Variants in AOPEP observed in about 807,000 individuals in gnomAD.
The protein encoded by AOPEP is aminopeptidase O.
A neutral mutation model predicts 98.1 loss-of-function variants in AOPEP; 77 were observed. The observed-to-expected ratio is 0.78, with a 90% confidence interval of 0.65 to 0.95. The LOEUF is 0.95. Ranked by LOEUF, AOPEP falls within the 40% of genes least tolerant of loss-of-function variation. The probability of loss-of-function intolerance (pLI) is 0.00; values close to 1 mark genes in which losing one functional copy is unlikely to be tolerated. For synonymous variants in AOPEP, 346 were observed against 365.3 expected, an observed-to-expected ratio of 0.95 and a Z score of 0.60; for missense variants, 1,024 against 1,024.7, an observed-to-expected ratio of 1.00 and a Z score of 0.01.
At chr9:94,923,910 G>T (rs1361558250) in intron 5 of AOPEP, 76 bp from the exon 6 acceptor site, 1 of 1,047,324 alleles carries the variant, frequency 9.5e-7, no homozygotes, top group African/African-American at 1.7e-5. Flanking sequence ...GCCAGGCTAG[G>T]AAAGCTGCCC....
At chr9:95,115,687 G>A in the AOPEP span, among the ~76,000 whole-genome samples, 45 of 152,314 alleles carry the variant, frequency 3.0e-4, no homozygotes, top group African/African-American at 1.1e-3. Context: ...CACAAGGAAG[G>A]TAAGGCGAGT....
At chr9:95,098,012 G>GAAAC in the AOPEP span, among the ~76,000 whole-genome samples, 1 of 152,142 alleles carries the variant, frequency 6.6e-6, no homozygotes, top group East Asian at 1.9e-4. Context: ...TCCTGGGCTG[G>GAAAC]AAACAGAGGA....
At chr9:94,733,105 CTTT>C (rs537104658) in intron 1 of AOPEP, among the ~76,000 whole-genome samples, 8 of 128,922 alleles carry the variant, frequency 6.2e-5, no homozygotes, top group Non-Finnish European at 6.5e-5. Flanking sequence ...TTTTCTTTCT[CTTT>C]TTTTTTTTTT....
chr9:95,099,543 C>A, the AOPEP span: 209 of 230,274 alleles, frequency 9.1e-4, 1 homozygote, highest in Non-Finnish European at 6.4e-4. Flanking sequence ...AGTGCCTGCC[C>A]GGCCGCCACC....
chr9:94,910,786 G>C (rs1006102312), intron 5 of AOPEP, among the ~76,000 whole-genome samples: 5 of 152,122 alleles, frequency 3.3e-5, no homozygotes, highest in African/African-American at 1.2e-4. Context: ...AAGGATCTTG[G>C]GGGAGGGGCC....
At chr9:95,051,084 G>A (rs1208149431) in intron 13 of AOPEP, among the ~76,000 whole-genome samples, 2 of 94,162 alleles carry the variant, frequency 2.1e-5, no homozygotes. Context: ...TGTTTTTGTG[G>A]CTTACTTTTT....
rs71366268 is a variant in AOPEP, at chr9:94,885,348, CAAAAAAAAAAAAAAAAAAAAAAAA to C, written c.1365-38619_1365-38596del. ...TGGGTGACAGAGTGAGATCCTGTCT[CAAAAAAAAAAAAAAAAAAAAAAAA>C]AAAAAAAAAAAAAAAAAAGACATTG... On this transcript the variant is annotated intron_variant, in intron 5 of 16. Transcript: ENST00000375315. 1.3e-3 allele frequency among the ~76,000 whole-genome samples: 48 copies of C among 35,992 alleles called. 1 individual carries two copies. The highest frequency in any genetic ancestry group is 5.2e-3 in the South Asian group (4 of 774). 23.6% of individuals were successfully genotyped at this position (35,992 alleles called of 152,430 possible). A position where few individuals can be genotyped will look rare whatever the true frequency, so the allele number is the denominator to read the frequency against.
At chr9:95,104,084 G>T in the AOPEP span, among the ~76,000 whole-genome samples, 2 of 152,164 alleles carry the variant, frequency 1.3e-5, no homozygotes, top group African/African-American at 4.8e-5. Flanking sequence ...CCACCTGCTC[G>T]TGGGCCAAGC....
chr9:95,104,884 C>G, the AOPEP span, among the ~76,000 whole-genome samples: 1 of 152,192 alleles, frequency 6.6e-6, no homozygotes, highest in Admixed American at 6.5e-5. Context: ...CCATAAGCAC[C>G]TTCCCACTGT....
At chr9:95,047,321 T>A (rs1300148362) in intron 13 of AOPEP, among the ~76,000 whole-genome samples, 1 of 152,246 alleles carries the variant, frequency 6.6e-6, no homozygotes, top group Non-Finnish European at 1.5e-5. Flanking sequence ...TGATTTTTTT[T>A]AACCTTTCAC....
chr9:94,917,684 C>T (rs1383258308), intron 5 of AOPEP, among the ~76,000 whole-genome samples: 1 of 152,164 alleles, frequency 6.6e-6, no homozygotes, highest in Non-Finnish European at 1.5e-5. Context: ...CTGCTACTTC[C>T]CTAACCTCAG....
intron 7 of AOPEP, chr9:94,931,677 C>T (rs1249444992): frequency 1.6e-6 from 2 of 1,273,394 alleles, no homozygotes; most frequent in Non-Finnish European, 2.2e-6. Context: ...AAATGATGGG[C>T]CATAACAACG....
chr9:95,096,845 T>C, the AOPEP span, among the ~76,000 whole-genome samples: 1 of 152,254 alleles, frequency 6.6e-6, no homozygotes, highest in South Asian at 2.1e-4. Flanking sequence ...GAACGTTTAC[T>C]GTCCATATGA....
intron 13 of AOPEP, among the ~76,000 whole-genome samples, chr9:95,007,493 C>T (rs2062124994): frequency 1.3e-5 from 2 of 152,108 alleles, no homozygotes; most frequent in South Asian, 4.1e-4. Flanking sequence ...GAAGATTTGC[C>T]TCTCACTTTT....
chr9:95,071,892 C>T (rs796412264), intron 14 of AOPEP, among the ~76,000 whole-genome samples: 1 of 152,154 alleles, frequency 6.6e-6, no homozygotes, highest in Non-Finnish European at 1.5e-5. Flanking sequence ...TTTCCTTGTA[C>T]AGAGGAATTT....
At chr9:94,854,452 T>G (rs933390778) in intron 5 of AOPEP, among the ~76,000 whole-genome samples, 2 of 152,212 alleles carry the variant, frequency 1.3e-5, no homozygotes, top group Non-Finnish European at 2.9e-5. Flanking sequence ...ATTAAGATTT[T>G]TAATGCTAAG....
chr9:94,928,899 A>C (rs2054824957), intron 7 of AOPEP: 1 of 196,794 alleles, frequency 5.1e-6, no homozygotes, highest in African/African-American at 2.4e-5. Flanking sequence ...CTTTAGGAAA[A>C]TATTGATTCC....
At chr9:94,858,564 C>T (rs2044523840) in intron 5 of AOPEP, among the ~76,000 whole-genome samples, 2 of 152,194 alleles carry the variant, frequency 1.3e-5, no homozygotes, top group South Asian at 4.1e-4. Flanking sequence ...CTTGTGGCCA[C>T]ATCACTCCAG....
At chr9:94,857,658 T>G (rs553867839) in intron 5 of AOPEP, among the ~76,000 whole-genome samples, 5 of 152,278 alleles carry the variant, frequency 3.3e-5, no homozygotes, top group Non-Finnish European at 5.9e-5. Flanking sequence ...CAGAGTGAGT[T>G]AACGGTATTT....
Sources: gnomAD v4.1 joint callset for allele counts (sites outside exome capture counted in the v4.1 genomes callset) on GRCh38, gnomAD v4.1.1 for gene constraint, MANE v1.5 for transcripts, NCBI Gene and HGNC (gene_info 2026-07-23, HGNC 2026-07-21) for gene names.